CCDC102B: variants seen among roughly 807,000 people sequenced by gnomAD.
CCDC102B encodes coiled-coil domain containing 102B.
A neutral mutation model predicts 57.4 loss-of-function variants in CCDC102B; 75 were observed. The ratio of observed to expected loss-of-function variants is 1.31; its 90% CI spans 1.08 to 1.58. The LOEUF (loss-of-function observed/expected upper bound fraction) is 1.58, where lower values mean the gene tolerates loss of function less well. Among genes scored for constraint, CCDC102B ranks in the 40% most tolerant of loss-of-function variants. The pLI is 0.00. For missense variants in CCDC102B, 636 were observed against 582.6 expected (o/e 1.09, Z -0.94); for synonymous variants, 206 against 201.9 (o/e 1.02, Z -0.17).
chr18:69,024,294 A>T (rs1224541597), intron 7 of CCDC102B, among the ~76,000 whole-genome samples: 1 of 152,072 alleles, frequency 6.6e-6, no homozygotes, highest in African/African-American at 2.4e-5. Context: ...TAGAAAGTGC[A>T]ATCATTTTTG....
At chr18:68,903,158 CAG>C (rs1408144594) in intron 6 of CCDC102B, among the ~76,000 whole-genome samples, 1 of 152,154 alleles carries the variant, frequency 6.6e-6, no homozygotes, top group Non-Finnish European at 1.5e-5. Flanking sequence ...GAGGCACAGA[CAG>C]AGGGGAGTTT....
chr18:68,718,732 G>GA (rs377190242), intron 2 of CCDC102B, among the ~76,000 whole-genome samples: 169 of 152,314 alleles, frequency 1.1e-3, no homozygotes, highest in African/African-American at 3.8e-3. Flanking sequence ...GTTTAATGCA[G>GA]ATTCTGATCA....
chr18:69,033,830 C>G (rs2052213028), intron 7 of CCDC102B, among the ~76,000 whole-genome samples: 1 of 151,950 alleles, frequency 6.6e-6, no homozygotes, highest in Admixed American at 6.6e-5. Flanking sequence ...TAGAGGATTT[C>G]AATTTCTTCA....
chr18:68,862,538 T>C (rs937937595), intron 4 of CCDC102B, among the ~76,000 whole-genome samples: 6 of 152,176 alleles, frequency 3.9e-5, no homozygotes, highest in African/African-American at 1.4e-4. Context: ...CTACCATCCA[T>C]ATTCATCTGC....
chr18:68,891,567 T>C (rs2040079849), intron 5 of CCDC102B, among the ~76,000 whole-genome samples: 1 of 152,216 alleles, frequency 6.6e-6, no homozygotes, highest in Admixed American at 6.5e-5. Flanking sequence ...TACTGCAGAA[T>C]GGAAGGCTTA....
chr18:68,757,521 T>C (rs1315608614), intron 2 of CCDC102B, among the ~76,000 whole-genome samples: 2 of 152,168 alleles, frequency 1.3e-5, no homozygotes, highest in Non-Finnish European at 2.9e-5. Flanking sequence ...AAACAGGTAA[T>C]GCTATTTAAA....
chr18:69,004,996 G>A (rs750049198), intron 6 of CCDC102B, among the ~76,000 whole-genome samples: 95 of 152,192 alleles, frequency 6.2e-4, no homozygotes, highest in African/African-American at 2.0e-3. Context: ...GAATAACATT[G>A]AATTTATTCT....
intron 2 of CCDC102B, among the ~76,000 whole-genome samples, chr18:68,738,953 A>G (rs2033262110): frequency 1.4e-5 from 2 of 145,802 alleles, no homozygotes; most frequent in South Asian, 4.3e-4. Context: ...GGCCAGGCAC[A>G]TTGCCTGAAC....
chr18:68,969,600 A>G (rs978905333), intron 6 of CCDC102B, among the ~76,000 whole-genome samples: 5 of 151,940 alleles, frequency 3.3e-5, no homozygotes, highest in Non-Finnish European at 7.4e-5. Context: ...TGTGATAGAC[A>G]ATGTATTATA....
chr18:69,028,488 A>G (rs534422066), intron 7 of CCDC102B, among the ~76,000 whole-genome samples: 1 of 152,270 alleles, frequency 6.6e-6, no homozygotes, highest in South Asian at 2.1e-4. Context: ...TATTGTAGGA[A>G]GGACAGTGGT....
chr18:68,836,865 AC>A lies in CCDC102B; in HGVS notation c.108del (p.Arg37GlyfsTer89). The stretch of plus-strand genomic sequence containing the variant: ...GCGGCGACATGGTGGCACCTGCCTC[AC>A]CCCCCAGGGATACCTGTAATACCTG... ...SRGDMVAPAS[P>X]PRDTCNTCFP... On this transcript the variant is annotated frameshift_variant, in exon 2 of 8. Coordinates refer to ENST00000360242, the MANE Select transcript of CCDC102B (RefSeq NM_024781.3). LOFTEE classifies it high-confidence loss of function. The A allele has an allele frequency of 6.2e-7, 1 of 1,613,818 alleles. No homozygotes were observed. Among genetic ancestry groups the A allele is most frequent in the South Asian group, 1.1e-5 (1 of 91,064 alleles).
chr18:68,733,478 TTA>T (rs1301629816), intron 2 of CCDC102B, among the ~76,000 whole-genome samples: 2 of 25,130 alleles, frequency 8.0e-5, no homozygotes, highest in African/African-American at 1.6e-4. Flanking sequence ...TTAGACAACT[TTA>T]TATATATATA....
chr18:68,987,681 A>T (rs905071369), intron 6 of CCDC102B, among the ~76,000 whole-genome samples: 1 of 152,170 alleles, frequency 6.6e-6, no homozygotes, highest in Non-Finnish European at 1.5e-5. Flanking sequence ...CACAGAATCT[A>T]CAACGAACTT....
chr18:68,907,325 AT>A, intron 6 of CCDC102B, among the ~76,000 whole-genome samples: 1 of 151,634 alleles, frequency 6.6e-6, no homozygotes, highest in Non-Finnish European at 1.5e-5. Flanking sequence ...CAGCTTTTCC[AT>A]TTTTGCAAAT....
rs1325460523 is a variant in CCDC102B at position 68,798,215 on chromosome 18, T to A, written c.-16+34T>A. On this transcript the variant is annotated intron_variant, in intron 1 of 7. Coordinates refer to ENST00000360242, the MANE Select transcript of CCDC102B (RefSeq NM_024781.3). ...GTTTAATAACCTTGTGGTTTTCTAT[T>A]TAATTTTTATATTTTCCTGCTGAGG... The A allele has an allele frequency of 3.9e-5, 6 of 152,106 alleles. No homozygotes were observed. In the East Asian group the frequency reaches 1.2e-3, roughly 29 times the overall value. The allele number at this position is 152,106 out of a possible 1,614,324, so 9.4% of individuals were successfully genotyped here. A position where few individuals can be genotyped will look rare whatever the true frequency, so the allele number is the denominator to read the frequency against.
chr18:68,943,786 G>A lies in CCDC102B; in HGVS notation c.1263+46358G>A, dbSNP rs977649892. 9.2e-5 allele frequency among the ~76,000 whole-genome samples: 14 copies of A among 152,150 alleles called. 1 individual carries two copies. Among genetic ancestry groups the A allele is most frequent in the South Asian group, 2.1e-4 (1 of 4,832 alleles). On this transcript the variant is annotated intron_variant, in intron 6 of 7. Transcript: ENST00000360242. The stretch of plus-strand genomic sequence containing the variant: ...CCAATGCTCAAAATTCTCTAGGCCG[G>A]AGGAAGGGGCTTGATTAACTTTTAT...
chr18:69,043,978 G>C (rs1040120910), intron 7 of CCDC102B, among the ~76,000 whole-genome samples: 1 of 152,002 alleles, frequency 6.6e-6, no homozygotes, highest in South Asian at 2.1e-4. Flanking sequence ...GTCTGGTAAG[G>C]GGTCCAAGAA....
intron 6 of CCDC102B, among the ~76,000 whole-genome samples, chr18:68,899,095 A>G (rs2040345770): frequency 7.8e-6 from 1 of 127,718 alleles, no homozygotes; most frequent in Non-Finnish European, 1.6e-5. Flanking sequence ...TTTTTTAAGT[A>G]TATATCATTT....
intron 6 of CCDC102B, among the ~76,000 whole-genome samples, chr18:68,932,065 T>C (rs1208024712): frequency 1.3e-5 from 2 of 151,892 alleles, no homozygotes; most frequent in South Asian, 2.1e-4. Flanking sequence ...GATGTATGAA[T>C]CTCTTTTCTT....
Sources: gnomAD v4.1 joint callset for allele counts (sites outside exome capture counted in the v4.1 genomes callset) on GRCh38, gnomAD v4.1.1 for gene constraint, MANE v1.5 for transcripts, NCBI Gene and HGNC (gene_info 2026-07-23, HGNC 2026-07-21) for gene names.